Variants in FAAH2 observed in about 807,000 individuals in gnomAD.
FAAH2 encodes fatty acid amide hydrolase 2, also known as fatty-acid amide hydrolase 2.
Under a neutral mutation model 36.9 loss-of-function variants are expected in FAAH2, and 60 were observed. The ratio of observed to expected loss-of-function variants is 1.63; its 90% CI spans 1.32 to 2.02. The LOEUF (loss-of-function observed/expected upper bound fraction) is 2.02, where lower values mean the gene tolerates loss of function less well. FAAH2 is among the 30% of genes most tolerant of loss of function. The pLI, the probability that FAAH2 is intolerant of heterozygous loss-of-function variation, is 0.00. For missense variants in FAAH2, 689 were observed against 397.5 expected (o/e 1.73, Z -6.23); for synonymous variants, 214 against 143.8 (o/e 1.49, Z -3.49).
At chrX:57,161,638 C>A in the FAAH2 span, among the ~76,000 whole-genome samples, 1 of 111,361 alleles carries the variant, frequency 9.0e-6, no homozygotes, top group African/African-American at 3.3e-5. Context: ...CTCCTTTGAT[C>A]TTTGTTGGTT....
At chrX:57,296,266 C>T (rs1056999600) in intron 2 of FAAH2, among the ~76,000 whole-genome samples, 7 of 111,115 alleles carry the variant, frequency 6.3e-5, no homozygotes, top group Non-Finnish European at 1.3e-4. Flanking sequence ...TCCAGAGGAA[C>T]GATCAGGCAG....
intron 1 of FAAH2, among the ~76,000 whole-genome samples, chrX:57,288,075 T>C (rs1272431646): frequency 1.8e-5 from 2 of 111,079 alleles, no homozygotes; most frequent in Non-Finnish European, 3.8e-5. Context: ...AATTGAGATT[T>C]TGACATTACT....
At chrX:57,392,781 C>A (rs934386257) in intron 7 of FAAH2, 4 of 623,577 alleles carry the variant, frequency 6.4e-6, no homozygotes, top group Admixed American at 2.2e-5. Context: ...ATGGATGTTG[C>A]GAATGGGCAG....
the FAAH2 span, among the ~76,000 whole-genome samples, chrX:57,232,962 A>C: frequency 8.9e-6 from 1 of 112,470 alleles, no homozygotes; most frequent in Non-Finnish European, 1.9e-5. Flanking sequence ...TTAATAAACA[A>C]AAACATCACT....
chrX:57,466,156 C>CTCTA (rs1287266105), intron 10 of FAAH2, among the ~76,000 whole-genome samples: 164 of 66,384 alleles, frequency 2.5e-3, no homozygotes, highest in African/African-American at 8.9e-3. Context: ...CTCTCTCTCT[C>CTCTA]TATATATATA....
intron 5 of FAAH2, among the ~76,000 whole-genome samples, chrX:57,344,918 G>T (rs905040674): frequency 1.8e-5 from 2 of 110,651 alleles, no homozygotes; most frequent in Non-Finnish European, 3.8e-5. Context: ...AATTAACATT[G>T]CATCCCAGGA....
At chrX:57,310,847 G>A in intron 3 of FAAH2, 118 bp downstream of exon 3, 1 of 767,041 alleles carries the variant, frequency 1.3e-6, no homozygotes, top group Non-Finnish European at 1.8e-6. Flanking sequence ...TGCTTCCTCA[G>A]TTTGAAATGA....
At chrX:57,190,649 G>A in the FAAH2 span, among the ~76,000 whole-genome samples, 9 of 110,231 alleles carry the variant, frequency 8.2e-5, no homozygotes, top group Non-Finnish European at 1.3e-4. Context: ...GGAAAGGGAA[G>A]CCCCTCCACC....
At chrX:57,196,771 T>A in the FAAH2 span, among the ~76,000 whole-genome samples, 1 of 111,433 alleles carries the variant, frequency 9.0e-6, no homozygotes, top group East Asian at 2.8e-4. Context: ...ATTAAAAAAA[T>A]TTGGGTACCT....
chrX:57,141,965 G>A, the FAAH2 span, among the ~76,000 whole-genome samples: 16 of 108,876 alleles, frequency 1.5e-4, no homozygotes, highest in African/African-American at 2.3e-4. Flanking sequence ...CCCACACCCC[G>A]GTCTAATTTT....
At chrX:57,210,831 A>G in the FAAH2 span, among the ~76,000 whole-genome samples, 2 of 112,853 alleles carry the variant, frequency 1.8e-5, no homozygotes, top group South Asian at 3.6e-4. Flanking sequence ...CATTTGATAT[A>G]ATTACCTATG....
intron 7 of FAAH2, among the ~76,000 whole-genome samples, chrX:57,421,250 C>T (rs1017048868): frequency 1.8e-5 from 2 of 111,589 alleles, no homozygotes; most frequent in African/African-American, 6.5e-5. Context: ...CTGAGACCAG[C>T]CTAACCAACA....
chrX:57,142,178 T>C, the FAAH2 span, among the ~76,000 whole-genome samples: 1 of 112,280 alleles, frequency 8.9e-6, no homozygotes, highest in African/African-American at 3.2e-5. Context: ...TTTCTACTTC[T>C]TTAAGGTGCA....
the FAAH2 span, among the ~76,000 whole-genome samples, chrX:57,164,180 T>A: frequency 8.9e-6 from 1 of 112,267 alleles, no homozygotes; most frequent in Non-Finnish European, 1.9e-5. Context: ...AAATAGTCCC[T>A]CAGTGATCAG....
the FAAH2 span, among the ~76,000 whole-genome samples, chrX:57,161,188 C>A: frequency 8.9e-6 from 1 of 112,000 alleles, no homozygotes; most frequent in African/African-American, 3.2e-5. Context: ...GTTTCTTAAT[C>A]CTGAGTTCTA....
At chrX:57,183,052 C>A in the FAAH2 span, among the ~76,000 whole-genome samples, 1 of 110,271 alleles carries the variant, frequency 9.1e-6, no homozygotes. Flanking sequence ...GACATGGAGG[C>A]CTACCTGAGG....
At chrX:57,403,457 G>A (rs758852045) in intron 7 of FAAH2, among the ~76,000 whole-genome samples, 20 of 112,723 alleles carry the variant, frequency 1.8e-4, no homozygotes, top group Non-Finnish European at 3.4e-4. Context: ...TTTGCACTCA[G>A]GGGCGAGTTC....
chrX:57,421,999 G>A (rs987863933), intron 7 of FAAH2, among the ~76,000 whole-genome samples: 2 of 111,670 alleles, frequency 1.8e-5, no homozygotes, highest in East Asian at 2.8e-4. Context: ...GAAGAGTCCT[G>A]CTCCTGAGGT....
chrX:57,477,327 AT>A (rs2147265445), intron 10 of FAAH2, among the ~76,000 whole-genome samples: 1 of 111,140 alleles, frequency 9.0e-6, no homozygotes, highest in African/African-American at 3.3e-5. Flanking sequence ...AAATTATTTC[AT>A]CAACAAAGCA....
Sources: allele counts gnomAD v4.1 joint callset (sites outside exome capture counted in the v4.1 genomes callset), GRCh38; gene constraint gnomAD v4.1.1; transcripts MANE v1.5; gene names NCBI Gene and HGNC (gene_info 2026-07-23, HGNC 2026-07-21).